Variants in PTPRD observed in about 807,000 individuals in gnomAD.
PTPRD encodes the protein receptor-type tyrosine-protein phosphatase delta.
A neutral mutation model predicts 214.5 loss-of-function variants in PTPRD; 34 were observed. The observed-to-expected ratio is 0.16, with a 90% CI of 0.12 to 0.21. PTPRD has a LOEUF of 0.21. PTPRD is among the 10% of genes least tolerant of loss of function. The pLI, the probability that PTPRD is intolerant of heterozygous loss-of-function variation, is 1.00. For synonymous variants in PTPRD, 1,128 were observed against 845.7 expected, an observed-to-expected ratio of 1.33 and a Z score of -5.79; for missense variants, 2,545 against 2,398.7, an observed-to-expected ratio of 1.06 and a Z score of -1.27.
chr9:9,430,896 A>G (rs1404577818), intron 8 of PTPRD, among the ~76,000 whole-genome samples: 1 of 152,328 alleles, frequency 6.6e-6, no homozygotes, highest in Non-Finnish European at 1.5e-5. Context: ...TTATACAAAA[A>G]TTAATTCAAG....
intron 11 of PTPRD, among the ~76,000 whole-genome samples, chr9:8,886,463 A>C (rs933705599): frequency 6.6e-6 from 1 of 152,186 alleles, no homozygotes; most frequent in Non-Finnish European, 1.5e-5. Flanking sequence ...GTCATGATAT[A>C]GATGTTATGG....
At chr9:9,058,517 C>T in intron 10 of PTPRD, among the ~76,000 whole-genome samples, 1 of 123,884 alleles carries the variant, frequency 8.1e-6, no homozygotes. Flanking sequence ...GGCGCGATCT[C>T]GGCTCACTGC....
intron 11 of PTPRD, among the ~76,000 whole-genome samples, chr9:8,759,436 CTT>C (rs1268119542): frequency 1.3e-5 from 2 of 152,190 alleles, no homozygotes; most frequent in South Asian, 2.1e-4. Context: ...TCTGCTCTCT[CTT>C]GTTTTCATCT....
At chr9:8,819,747 T>G (rs909948871) in intron 11 of PTPRD, among the ~76,000 whole-genome samples, 2 of 150,354 alleles carry the variant, frequency 1.3e-5, no homozygotes, top group Non-Finnish European at 3.0e-5. Flanking sequence ...TGGGAGATTG[T>G]TAGTTAAAGT....
chr9:9,401,525 A>G (rs1283944811), intron 8 of PTPRD, among the ~76,000 whole-genome samples: 2 of 152,052 alleles, frequency 1.3e-5, no homozygotes, highest in East Asian at 3.9e-4. Context: ...CTTACTATAT[A>G]TATATTGTTT....
intron 2 of PTPRD, among the ~76,000 whole-genome samples, chr9:10,478,560 T>C (rs560529398): frequency 2.0e-5 from 3 of 152,262 alleles, no homozygotes; most frequent in Admixed American, 6.5e-5. Flanking sequence ...ATAATTAAAT[T>C]AAACATATCT....
chr9:9,715,835 C>T (rs1375057930), intron 7 of PTPRD, among the ~76,000 whole-genome samples: 2 of 152,050 alleles, frequency 1.3e-5, no homozygotes, highest in Non-Finnish European at 2.9e-5. Context: ...CAAACTGTTG[C>T]TAAGAAGCTT....
intron 3 of PTPRD, among the ~76,000 whole-genome samples, chr9:10,263,702 G>T (rs1021793950): frequency 3.3e-5 from 5 of 152,140 alleles, no homozygotes; most frequent in Non-Finnish European, 5.9e-5. Context: ...CATTTTCTGG[G>T]GAGAAATTCA....
chr9:8,488,095 G>A (rs1224572464), intron 27 of PTPRD, among the ~76,000 whole-genome samples: 1 of 151,992 alleles, frequency 6.6e-6, no homozygotes, highest in Non-Finnish European at 1.5e-5. Flanking sequence ...TGGGAAACAG[G>A]TGATAAAAAA....
At chr9:10,498,687 A>G (rs2133110208) in intron 2 of PTPRD, among the ~76,000 whole-genome samples, 1 of 152,140 alleles carries the variant, frequency 6.6e-6, no homozygotes, top group East Asian at 1.9e-4. Context: ...TATATTATAA[A>G]TAGCAATTAA....
At chr9:8,327,896 G>C (rs1469554521) in intron 44 of PTPRD, among the ~76,000 whole-genome samples, 1 of 152,040 alleles carries the variant, frequency 6.6e-6, no homozygotes, top group Non-Finnish European at 1.5e-5. Context: ...TTTATTTTGA[G>C]CCTATGTGTG....
intron 3 of PTPRD, among the ~76,000 whole-genome samples, chr9:10,087,654 A>G (rs1426121090): frequency 1.3e-5 from 2 of 151,716 alleles, no homozygotes; most frequent in Non-Finnish European, 3.0e-5. Context: ...CCCAAAGGAA[A>G]TTAAGCATTC....
chr9:9,276,903 A>G (rs1254083797), intron 9 of PTPRD, among the ~76,000 whole-genome samples: 2 of 151,208 alleles, frequency 1.3e-5, no homozygotes, highest in Non-Finnish European at 3.0e-5. Context: ...CTGTGTCTCT[A>G]CTCATGCAGT....
intron 2 of PTPRD, among the ~76,000 whole-genome samples, chr9:10,417,996 G>A (rs1451263209): frequency 6.6e-6 from 1 of 151,262 alleles, no homozygotes; most frequent in Non-Finnish European, 1.5e-5. Flanking sequence ...ATTAGTTAAT[G>A]ACATCTCCTA....
intron 11 of PTPRD, among the ~76,000 whole-genome samples, chr9:8,833,932 A>C (rs2097356367): frequency 1.7e-5 from 2 of 117,780 alleles, no homozygotes; most frequent in Non-Finnish European, 4.0e-5. Flanking sequence ...AACACCGGGC[A>C]TTTTAAGAAG....
chr9:10,056,973 C>G (rs926559107), intron 3 of PTPRD, among the ~76,000 whole-genome samples: 6 of 152,000 alleles, frequency 3.9e-5, no homozygotes, highest in Non-Finnish European at 7.4e-5. Flanking sequence ...GAATTTGTAT[C>G]AAGTAGAGAA....
intron 12 of PTPRD, among the ~76,000 whole-genome samples, chr9:8,712,122 G>A (rs866858593): frequency 6.6e-6 from 1 of 152,192 alleles, no homozygotes; most frequent in Non-Finnish European, 1.5e-5. Flanking sequence ...AGAAGTAGGG[G>A]AGGGAGGGAG....
chr9:10,310,927 C>T (rs1408653532), intron 3 of PTPRD, among the ~76,000 whole-genome samples: 1 of 152,008 alleles, frequency 6.6e-6, no homozygotes, highest in Non-Finnish European at 1.5e-5. Flanking sequence ...TTCCAGTAAC[C>T]TGCTGTACCT....
intron 11 of PTPRD, among the ~76,000 whole-genome samples, chr9:8,991,175 C>T (rs1193570338): frequency 3.4e-5 from 5 of 148,968 alleles, no homozygotes; most frequent in African/African-American, 7.5e-5. Context: ...GCTGAGATGG[C>T]GCCATTGCAC....
Sources: gnomAD v4.1 joint callset for allele counts (sites outside exome capture counted in the v4.1 genomes callset) on GRCh38, gnomAD v4.1.1 for gene constraint, MANE v1.5 for transcripts, NCBI Gene and HGNC (gene_info 2026-07-23, HGNC 2026-07-21) for gene names.